TRPV3: variants seen among roughly 807,000 people sequenced by gnomAD.
The protein encoded by TRPV3 is VRL-3.
Under a neutral mutation model 87.1 loss-of-function variants are expected in TRPV3, and 88 were observed. The ratio of observed to expected loss-of-function variants is 1.01; its 90% CI spans 0.85 to 1.21. TRPV3 has a LOEUF of 1.21. Among genes scored for constraint, TRPV3 ranks in the 50% most tolerant of loss-of-function variants. The pLI is 0.00. For missense variants in TRPV3, 1,054 were observed against 1,030.1 expected, an observed-to-expected ratio of 1.02 and a Z score of -0.32; for synonymous variants, 438 against 423.3, an observed-to-expected ratio of 1.03 and a Z score of -0.43.
Position 3,511,991 on chromosome 17 carries a change from AATGCT to A in TRPV3, c.*1921_*1925del, listed in dbSNP as rs1387012500. The A allele has an allele frequency of 6.6e-6, 1 of 152,140 alleles. No homozygotes were observed. The highest frequency in any genetic ancestry group is 1.5e-5 in the Non-Finnish European group (1 of 68,018). 9.4% of individuals were successfully genotyped at this position (152,140 alleles called of 1,614,324 possible). A position where few individuals can be genotyped will look rare whatever the true frequency, so the allele number is the denominator to read the frequency against. On this transcript the variant is annotated 3_prime_UTR_variant, in exon 18 of 18. Transcript: ENST00000576742. Reference sequence around the variant, plus strand: ...TGCGGGTAGCTAACTCCAGATGTGGAATGCTGATTTGTACAATCTCCAGGCTAAAA... The same window carrying A: ...TGCGGGTAGCTAACTCCAGATGTGGAGATTTGTACAATCTCCAGGCTAAAA...
In TRPV3 at chr17:3,512,511, C is replaced by A. The variant is rs2074127061; in HGVS notation, c.*1406G>T. 6.6e-6 allele frequency: 1 copy of A among 152,294 alleles called. No individual in the cohort carries two copies. The highest frequency in any genetic ancestry group is 1.5e-5 in the Non-Finnish European group (1 of 68,022). 9.4% of individuals were successfully genotyped at this position (152,294 alleles called of 1,614,324 possible). On this transcript the variant is annotated 3_prime_UTR_variant, in exon 18 of 18. Transcript: ENST00000576742. Reference sequence around the variant, plus strand: ...TATCTATCGCCATGTTATCTGAAGGCCAAATTTCTATTTCTGCCATTTAAG... The same window carrying A: ...TATCTATCGCCATGTTATCTGAAGGACAAATTTCTATTTCTGCCATTTAAG...
rs781340481 is a variant in TRPV3 at position 3,514,635 on chromosome 17, C to T, written c.2236G>A (p.Val746Ile). The T allele has an allele frequency of 8.8e-5, 142 of 1,613,920 alleles. No homozygotes were observed. Among genetic ancestry groups the T allele is most frequent in the Non-Finnish European group, 1.1e-4 (135 of 1,179,910 alleles). Residue 746 changes from valine to isoleucine, a missense_variant, in exon 17 of 18, where the codon GTC (valine) becomes ATC (isoleucine). Val to Ile is a conservative substitution (Grantham distance 29). Coordinates refer to ENST00000576742, the MANE Select transcript of TRPV3 (RefSeq NM_145068.4). ...EVKWTEWKTH[V>I]SFLNEDPGPV... ...CCCGGGTCTTCGTTAAGGAAGGAGA[C>T]GTGCGTCTTCCATTCAGTCCACTTC...
At chr17:3,548,953 C>G (rs1567645304) in intron 2 of TRPV3, among the ~76,000 whole-genome samples, 2 of 152,172 alleles carry the variant, frequency 1.3e-5, no homozygotes, top group Admixed American at 6.5e-5. Flanking sequence ...GGAATTCCAG[C>G]TGAAGTGGGC....
At chr17:3,550,985 C>G (rs2074568811) in intron 2 of TRPV3, among the ~76,000 whole-genome samples, 1 of 152,198 alleles carries the variant, frequency 6.6e-6, no homozygotes, top group South Asian at 2.1e-4. Context: ...ACCATGTCAA[C>G]CTCTTCAGAG....
rs2074341665 is a variant in TRPV3 at position 3,530,664 on chromosome 17, CGA to C, written c.1066-463_1066-462del. 6.6e-6 allele frequency among the ~76,000 whole-genome samples: 1 copy of C among 152,114 alleles called. No individual in the cohort carries two copies. The highest frequency in any genetic ancestry group is 2.1e-4 in the South Asian group (1 of 4,818). ...ACCACTCTGGCCAGGCAGGTGGTGA[CGA>C]GAGACACCACGCCCTACAGGGAGGC... On this transcript the variant is annotated intron_variant, in intron 8 of 17. Transcript: ENST00000576742. The surrounding 1 kb of genome is among the most constrained non-coding windows in gnomAD (Gnocchi z 4.0).
At position 3,535,727 on chromosome 17, in the gene TRPV3, G is replaced by A; in HGVS notation, c.644-14C>T. ...GCGCCGTCTGCCCTGCGGAGCGGGCGGGGACGCGCGGGAGCCTCAGCGCCG... is the reference window on the plus strand; with the variant it reads ...GCGCCGTCTGCCCTGCGGAGCGGGCAGGGACGCGCGGGAGCCTCAGCGCCG... On this transcript the variant is annotated splice_polypyrimidine_tract_variant and intron_variant, in intron 6 of 17. Coordinates refer to ENST00000576742, the MANE Select transcript of TRPV3 (RefSeq NM_145068.4). 2 of 1,469,402 alleles carry A rather than the reference G, an allele frequency of 1.4e-6. No homozygotes were observed. The highest frequency in any genetic ancestry group is 1.8e-6 in the Non-Finnish European group (2 of 1,112,894). 91.0% of individuals were successfully genotyped at this position (1,469,402 alleles called of 1,614,324 possible).
rs186079060 is a variant in TRPV3 at position 3,525,169 on chromosome 17, G to A, written c.1578-806C>T. ...CTAGTAGCTGGGATTACAGGCACCC[G>A]CCACCACACCAGGCTCATTTTTGTA... On this transcript the variant is annotated intron_variant, in intron 12 of 17. Coordinates refer to ENST00000576742, the MANE Select transcript of TRPV3 (RefSeq NM_145068.4). Among the ~76,000 whole-genome samples the A allele has an allele frequency of 5.3e-3, 801 of 151,696 alleles. 1 individual carries two copies. The highest frequency in any genetic ancestry group is 8.9e-3 in the Non-Finnish European group (603 of 67,962).
chr17:3,534,861 G>A (rs912270874), intron 7 of TRPV3, among the ~76,000 whole-genome samples: 21 of 152,004 alleles, frequency 1.4e-4, no homozygotes, highest in South Asian at 6.2e-4. Context: ...CCATCTCCTC[G>A]CCTGTAAAAT....
At chr17:3,544,730 C>T in intron 3 of TRPV3, 65 bp from the exon 4 acceptor site, 1 of 1,194,706 alleles carries the variant, frequency 8.4e-7, no homozygotes, top group East Asian at 2.5e-5. Flanking sequence ...GGTGAGGTGG[C>T]TCATGCATGT....
intron 12 of TRPV3, 139 bp downstream of exon 12, chr17:3,526,715 C>A (rs1371324707): frequency 2.9e-6 from 2 of 691,668 alleles, no homozygotes; most frequent in African/African-American, 3.5e-5. Context: ...GAGAGGAGAC[C>A]CCTGGCGTGT....
At chr17:3,514,207 T>C in intron 17 of TRPV3, 196 bp from the exon 18 acceptor site, 1 of 514,734 alleles carries the variant, frequency 1.9e-6, no homozygotes, top group Non-Finnish European at 3.4e-6. Context: ...GCCTCTCGAG[T>C]AGCTGGGATT....
At chr17:3,545,994 A>G (rs111655700) in intron 2 of TRPV3, among the ~76,000 whole-genome samples, 1 of 73,448 alleles carries the variant, frequency 1.4e-5, no homozygotes, top group Admixed American at 1.2e-4. Flanking sequence ...CGTCTCAAAA[A>G]AAAAAAAAAA....
chr17:3,528,163 C>A lies in TRPV3; in HGVS notation c.1402-37G>T. 6.5e-7 allele frequency: 1 copy of A among 1,546,208 alleles called. No homozygotes were observed. The highest frequency in any genetic ancestry group is 1.2e-5 in the South Asian group (1 of 85,760). ...GAAGAGGGGTGGTCAGTATAGGAAGCAAGGAGGACAGGGCTGGCACCAACT... is the reference window on the plus strand; with the variant it reads ...GAAGAGGGGTGGTCAGTATAGGAAGAAAGGAGGACAGGGCTGGCACCAACT... On this transcript the variant is annotated intron_variant, in intron 10 of 17. Coordinates refer to ENST00000576742, the MANE Select transcript of TRPV3 (RefSeq NM_145068.4). The surrounding 1 kb of genome is among the most constrained non-coding windows in gnomAD (Gnocchi z 4.2).
At chr17:3,523,816 G>A (rs541430290) in intron 13 of TRPV3, among the ~76,000 whole-genome samples, 1 of 151,352 alleles carries the variant, frequency 6.6e-6, no homozygotes, top group East Asian at 1.9e-4. Context: ...TTTGCAAATT[G>A]TGTGATACAC....
chr17:3,536,800 G>T (rs181307425), intron 6 of TRPV3, among the ~76,000 whole-genome samples: 2 of 152,152 alleles, frequency 1.3e-5, no homozygotes, highest in Non-Finnish European at 2.9e-5. Context: ...CAAGAGGAAA[G>T]AAGGGTAGCG....
chr17:3,527,290 C>A (rs1377228984), intron 11 of TRPV3, among the ~76,000 whole-genome samples: 1 of 152,174 alleles, frequency 6.6e-6, no homozygotes, highest in Non-Finnish European at 1.5e-5. Flanking sequence ...ATGACCTTGT[C>A]CTCATCGTCC....
intron 6 of TRPV3, among the ~76,000 whole-genome samples, chr17:3,541,694 G>A (rs182532713): frequency 1.4e-4 from 21 of 152,232 alleles, no homozygotes; most frequent in Middle Eastern, 3.4e-3. Flanking sequence ...GCCCCTGCCC[G>A]GCTCTCTTGC....
Position 3,543,498 on chromosome 17 carries a change from G to A in TRPV3, c.442C>T (p.Arg148Trp), listed in dbSNP as rs760726969. The A allele has an allele frequency of 3.5e-5, 56 of 1,613,536 alleles. No homozygotes were observed. Among genetic ancestry groups the A allele is most frequent in the South Asian group, 8.8e-5 (8 of 91,080 alleles). ...CCAGGCACATCCTCATCATGGCGCC[G>A]CCTGCAAAGCTCCTGCAGCTCCACC... The part of the protein sequence containing the change: ...LLVELQELCR[R>W]RHDEDVPDFL... Residue 148 changes from arginine to tryptophan, a missense_variant, in exon 5 of 18, where the codon CGG becomes TGG. Physicochemically the swap from Arg to Trp is moderately radical, Grantham distance 101 (BLOSUM62 -3). Transcript: ENST00000576742.
In TRPV3 at chr17:3,512,205, T is replaced by C. The variant is rs2074121743; in HGVS notation, c.*1712A>G. ...TCTGCTCCTCCTGCCTCTAGGACAG[T>C]TCTCCTCAAATCTTCTCTTCTCCAG... On this transcript the variant is annotated 3_prime_UTR_variant, in exon 18 of 18. Coordinates refer to ENST00000576742, the MANE Select transcript of TRPV3 (RefSeq NM_145068.4). 6.6e-6 allele frequency: 1 copy of C among 152,288 alleles called. No homozygotes were observed. The highest frequency in any genetic ancestry group is 1.5e-5 in the Non-Finnish European group (1 of 68,094). 9.4% of individuals were successfully genotyped at this position (152,288 alleles called of 1,614,324 possible). A position where few individuals can be genotyped will look rare whatever the true frequency, so the allele number is the denominator to read the frequency against.
Sources: allele counts gnomAD v4.1 joint callset (sites outside exome capture counted in the v4.1 genomes callset), GRCh38; gene constraint gnomAD v4.1.1; non-coding constraint Gnocchi (gnomAD v3.1); transcripts MANE v1.5; gene names NCBI Gene and HGNC (gene_info 2026-07-23, HGNC 2026-07-21).